ENTHD1: variants seen among roughly 807,000 people sequenced by gnomAD.
The protein encoded by ENTHD1 is ENTH domain containing 1.
Under a neutral mutation model 39.1 loss-of-function variants are expected in ENTHD1, and 23 were observed. The ratio of observed to expected loss-of-function variants is 0.59; its 90% CI spans 0.42 to 0.83. The LOEUF (loss-of-function observed/expected upper bound fraction) is 0.83, where lower values mean the gene tolerates loss of function less well. Ranked by LOEUF, ENTHD1 falls within the 40% of genes least tolerant of loss-of-function variation. The pLI is 0.00. For synonymous variants in ENTHD1, 230 were observed against 258.2 expected (o/e 0.89, Z 1.05); for missense variants, 624 against 705.4 (o/e 0.88, Z 1.31).
Position 39,837,961 on chromosome 22 carries a change from G to C in ENTHD1, c.593-2003C>G, listed in dbSNP as rs567447490. 4.4e-4 allele frequency among the ~76,000 whole-genome samples: 67 copies of C among 152,298 alleles called. 1 individual carries two copies. Among genetic ancestry groups the C allele is most frequent in the Admixed American group, 4.0e-3 (61 of 15,294 alleles). ...AACTTTAAATCTGATTTGGCTAGTT[G>C]TCTTAACAATGAGAGTTGGCTTTAC... On this transcript the variant is annotated intron_variant, in intron 3 of 6. Transcript: ENST00000325157.
chr22:39,815,385 G>A (rs2065725360), intron 5 of ENTHD1, among the ~76,000 whole-genome samples: 1 of 151,910 alleles, frequency 6.6e-6, no homozygotes, highest in Non-Finnish European at 1.5e-5. Context: ...AGAGGTTGCA[G>A]TGAGCCAAGA....
intron 2 of ENTHD1, among the ~76,000 whole-genome samples, chr22:39,877,728 A>T (rs1179048486): frequency 6.6e-6 from 1 of 152,130 alleles, no homozygotes; most frequent in Admixed American, 6.5e-5. Flanking sequence ...TTTCCAGAGC[A>T]CTCTGTTCTT....
At chr22:39,853,880 T>A (rs1364374274) in intron 3 of ENTHD1, among the ~76,000 whole-genome samples, 1 of 152,186 alleles carries the variant, frequency 6.6e-6, no homozygotes, top group Non-Finnish European at 1.5e-5. Flanking sequence ...TGGCCCACTT[T>A]TATTATTAAA....
chr22:39,856,242 CCAGCCTGGGCAACAAGAGTGAAACTT>C (rs2066084781), intron 3 of ENTHD1, among the ~76,000 whole-genome samples: 1 of 149,488 alleles, frequency 6.7e-6, no homozygotes, highest in South Asian at 2.1e-4. Context: ...CCATTGCACT[CCAGCCTGGGCAACAAGAGTGAAACTT>C]CATCTCAAAA....
intron 2 of ENTHD1, among the ~76,000 whole-genome samples, chr22:39,883,276 C>CT (rs2066354393): frequency 6.6e-6 from 1 of 151,760 alleles, no homozygotes; most frequent in Admixed American, 6.6e-5. Context: ...GCATAGTGTA[C>CT]TTGTACTTAC....
chr22:39,782,107 C>T (rs957025839), intron 5 of ENTHD1, among the ~76,000 whole-genome samples: 1 of 151,938 alleles, frequency 6.6e-6, no homozygotes, highest in Non-Finnish European at 1.5e-5. Flanking sequence ...GCCAACATGG[C>T]GAAACCCCAT....
intron 5 of ENTHD1, among the ~76,000 whole-genome samples, chr22:39,769,448 G>A (rs2065304925): frequency 6.6e-6 from 1 of 152,138 alleles, no homozygotes; most frequent in East Asian, 1.9e-4. Flanking sequence ...GTCCTCCCAG[G>A]GATGAGAAGG....
chr22:39,747,001 T>G (rs965482761), intron 6 of ENTHD1, among the ~76,000 whole-genome samples: 3 of 152,212 alleles, frequency 2.0e-5, no homozygotes, highest in Admixed American at 6.5e-5. Flanking sequence ...GTTTTTTCTT[T>G]TTTTTAGAAA....
intron 5 of ENTHD1, among the ~76,000 whole-genome samples, chr22:39,815,301 G>A (rs891510411): frequency 6.6e-6 from 1 of 152,068 alleles, no homozygotes; most frequent in Non-Finnish European, 1.5e-5. Context: ...AAATTAGCAG[G>A]GCGTGGTGGT....
At chr22:39,848,388 G>C (rs1178849234) in intron 3 of ENTHD1, among the ~76,000 whole-genome samples, 1 of 151,914 alleles carries the variant, frequency 6.6e-6, no homozygotes, top group African/African-American at 2.4e-5. Flanking sequence ...AGAGTAGCTG[G>C]GATTACAGGC....
intron 6 of ENTHD1, among the ~76,000 whole-genome samples, chr22:39,747,430 T>G (rs1375355714): frequency 6.6e-6 from 1 of 152,198 alleles, no homozygotes; most frequent in African/African-American, 2.4e-5. Context: ...AAGATGGGAT[T>G]CAAATTCAAG....
chr22:39,777,648 AT>A (rs1398198038), intron 5 of ENTHD1, among the ~76,000 whole-genome samples: 1 of 152,178 alleles, frequency 6.6e-6, no homozygotes, highest in Non-Finnish European at 1.5e-5. Context: ...TGCTTCTTCT[AT>A]AAAGGTGCTT....
At chr22:39,759,323 C>T (rs545965524) in intron 6 of ENTHD1, among the ~76,000 whole-genome samples, 16 of 152,146 alleles carry the variant, frequency 1.1e-4, no homozygotes, top group Admixed American at 5.2e-4. Flanking sequence ...GCTTATTTGA[C>T]GAACACAAAG....
At chr22:39,842,995 C>T (rs1273823898) in intron 3 of ENTHD1, among the ~76,000 whole-genome samples, 2 of 150,776 alleles carry the variant, frequency 1.3e-5, no homozygotes, top group Non-Finnish European at 3.0e-5. Flanking sequence ...AATAGGAACA[C>T]TTTTACACTG....
At chr22:39,809,492 C>T (rs1367560902) in intron 5 of ENTHD1, among the ~76,000 whole-genome samples, 2 of 152,108 alleles carry the variant, frequency 1.3e-5, no homozygotes, top group African/African-American at 2.4e-5. Flanking sequence ...AGAATGAGAG[C>T]GTGAGAATGT....
chr22:39,822,687 T>C (rs1055245637), intron 4 of ENTHD1, among the ~76,000 whole-genome samples: 2 of 152,218 alleles, frequency 1.3e-5, no homozygotes, highest in Admixed American at 6.5e-5. Flanking sequence ...CATTCTTGTA[T>C]AAATCTTTTT....
intron 3 of ENTHD1, among the ~76,000 whole-genome samples, chr22:39,860,167 CT>C: frequency 6.6e-6 from 1 of 152,308 alleles, no homozygotes; most frequent in South Asian, 2.1e-4. Context: ...ATTTTACTCA[CT>C]CCTATAGTTC....
At chr22:39,769,440 C>T (rs928738737) in intron 5 of ENTHD1, among the ~76,000 whole-genome samples, 3 of 152,132 alleles carry the variant, frequency 2.0e-5, no homozygotes, top group African/African-American at 7.2e-5. Flanking sequence ...TCAGAACTGT[C>T]CTCCCAGGGA....
chr22:39,770,084 T>C (rs1202354278), intron 5 of ENTHD1, among the ~76,000 whole-genome samples: 1 of 152,106 alleles, frequency 6.6e-6, no homozygotes, highest in East Asian at 1.9e-4. Flanking sequence ...GTTAAATATG[T>C]GTAGAATGTG....
Sources: gnomAD v4.1 joint callset for allele counts (sites outside exome capture counted in the v4.1 genomes callset) on GRCh38, gnomAD v4.1.1 for gene constraint, MANE v1.5 for transcripts, NCBI Gene and HGNC (gene_info 2026-07-23, HGNC 2026-07-21) for gene names.